ZNF704: variants seen among roughly 807,000 people sequenced by gnomAD.
The protein encoded by ZNF704 is glucocorticoid induced gene 1.
In ZNF704, 10 loss-of-function variants were observed where a neutral mutation model predicts 44.7. That is an observed-to-expected ratio of 0.22 (90% CI 0.14 to 0.38). The LOEUF (loss-of-function observed/expected upper bound fraction) is 0.38. Among genes scored for constraint, ZNF704 ranks in the 10% least tolerant of loss-of-function variants. The pLI is 1.00. For missense variants in ZNF704, 390 were observed against 545.5 expected, an observed-to-expected ratio of 0.71 and a Z score of 2.84; for synonymous variants, 211 against 207.6, an observed-to-expected ratio of 1.02 and a Z score of -0.14.
At chr8:80,658,021 A>G (rs1375548207) in intron 7 of ZNF704, among the ~76,000 whole-genome samples, 2 of 152,204 alleles carry the variant, frequency 1.3e-5, no homozygotes, top group Non-Finnish European at 1.5e-5. Context: ...TGTAAGACAC[A>G]TAAGAACCAT....
At position 80,635,729 on chromosome 8, in the gene ZNF704, T is replaced by C. The variant is rs1817654675; in HGVS notation, c.*5637A>G. The C allele has an allele frequency of 6.6e-6, 1 of 152,204 alleles. No homozygotes were observed. The highest frequency in any genetic ancestry group is 2.1e-4 in the South Asian group (1 of 4,824). The allele number at this position is 152,204 out of a possible 1,614,324, so 9.4% of individuals were successfully genotyped here. ...GTTAACACTTTTTAGATTTAAAATATATAAAATGACTCTTCAGGCATCTTT... is the reference window on the plus strand; with the variant it reads ...GTTAACACTTTTTAGATTTAAAATACATAAAATGACTCTTCAGGCATCTTT... On this transcript the variant is annotated 3_prime_UTR_variant, in exon 9 of 9. Coordinates refer to ENST00000327835, the MANE Select transcript of ZNF704 (RefSeq NM_001033723.3).
intron 1 of ZNF704, among the ~76,000 whole-genome samples, chr8:80,823,622 C>A (rs1001698774): frequency 1.3e-5 from 2 of 152,058 alleles, no homozygotes; most frequent in Non-Finnish European, 2.9e-5. Flanking sequence ...AGTCTGCCTC[C>A]TTAAGTGGGT....
intron 2 of ZNF704, among the ~76,000 whole-genome samples, chr8:80,798,549 C>A (rs185701455): frequency 3.7e-4 from 57 of 152,296 alleles, no homozygotes; most frequent in Non-Finnish European, 5.3e-4. Context: ...GCCACGATGC[C>A]CGGCCCTGGT....
chr8:80,778,841 A>C (rs1807462043), intron 2 of ZNF704, among the ~76,000 whole-genome samples: 1 of 152,124 alleles, frequency 6.6e-6, no homozygotes, highest in Non-Finnish European at 1.5e-5. Flanking sequence ...AATGACAGAC[A>C]CTGGGGCCTA....
At position 80,671,063 on chromosome 8, in the gene ZNF704, T is replaced by G. The variant is rs180815039; in HGVS notation, c.559-460A>C. Among the ~76,000 whole-genome samples the G allele has an allele frequency of 1.1e-3, 167 of 152,350 alleles. 3 individuals carry two copies. The highest frequency in any genetic ancestry group is 3.8e-3 in the African/African-American group (157 of 41,582). ...AGTTGAAATACGAATCCAGGGACTC[T>G]GGCTCCAGAAACCATCCCCTCCACC... On this transcript the variant is annotated intron_variant, in intron 4 of 8. Coordinates refer to ENST00000327835, the MANE Select transcript of ZNF704 (RefSeq NM_001033723.3).
intron 2 of ZNF704, among the ~76,000 whole-genome samples, chr8:80,757,363 A>G (rs1313114565): frequency 6.6e-6 from 1 of 152,186 alleles, no homozygotes; most frequent in Admixed American, 6.5e-5. Flanking sequence ...TAAAAATGGA[A>G]GCTTATAGAA....
rs749058762 is a variant in ZNF704 at position 80,664,836 on chromosome 8, C to T, written c.906G>A (p.Val302=). The T allele has an allele frequency of 7.4e-6, 12 of 1,614,076 alleles. No homozygotes were observed. Among genetic ancestry groups the T allele is most frequent in the Non-Finnish European group, 1.0e-5 (12 of 1,180,038 alleles). ...TCACCTGGTAAGCATGGTCAGTGTGCACGAGGTAGAGGGTGGTGGGAGCTG... is the reference window on the plus strand; with the variant it reads ...TCACCTGGTAAGCATGGTCAGTGTGTACGAGGTAGAGGGTGGTGGGAGCTG... ...SRSAPTTLYL[V]HTDHAYQATP... The change falls in exon 6 of 9, where the codon GTG becomes GTA. Residue 302 remains valine, a synonymous_variant. Transcript: ENST00000327835.
At chr8:80,803,092 T>C (rs995524938) in intron 2 of ZNF704, among the ~76,000 whole-genome samples, 1 of 152,032 alleles carries the variant, frequency 6.6e-6, no homozygotes, top group African/African-American at 2.4e-5. Flanking sequence ...TCATTCACAA[T>C]TGCTACAAAA....
chr8:80,710,509 T>G (rs1340172500), intron 2 of ZNF704, among the ~76,000 whole-genome samples: 1 of 152,148 alleles, frequency 6.6e-6, no homozygotes, highest in Non-Finnish European at 1.5e-5. Context: ...CTCCACAATA[T>G]TCATATGTTG....
intron 3 of ZNF704, among the ~76,000 whole-genome samples, chr8:80,689,409 GC>G (rs1280594832): frequency 6.6e-6 from 1 of 152,140 alleles, no homozygotes; most frequent in Non-Finnish European, 1.5e-5. Flanking sequence ...CTCATGCTTT[GC>G]CAGCATCAAC....
intron 2 of ZNF704, among the ~76,000 whole-genome samples, chr8:80,758,250 C>G (rs910766128): frequency 6.6e-6 from 1 of 152,178 alleles, no homozygotes; most frequent in African/African-American, 2.4e-5. Context: ...GCAAGCGGAG[C>G]AGAGGTGCAT....
At chr8:80,846,577 G>C (rs1480282893) in intron 1 of ZNF704, among the ~76,000 whole-genome samples, 2 of 152,170 alleles carry the variant, frequency 1.3e-5, no homozygotes, top group Non-Finnish European at 1.5e-5. Context: ...TTTTAACATT[G>C]TCAAAGCTCT....
chr8:80,829,354 A>G (rs923479699), intron 1 of ZNF704, among the ~76,000 whole-genome samples: 6 of 152,176 alleles, frequency 3.9e-5, no homozygotes, highest in African/African-American at 1.4e-4. Flanking sequence ...TTCCTAACCT[A>G]TGTTACAACA....
chr8:80,881,269 T>A, the ZNF704 span, among the ~76,000 whole-genome samples: 4 of 152,210 alleles, frequency 2.6e-5, no homozygotes, highest in Non-Finnish European at 5.9e-5. Flanking sequence ...GCATAAATAT[T>A]CATCAAAATG....
At chr8:80,873,993 C>A (rs927375417) in intron 1 of ZNF704, among the ~76,000 whole-genome samples, 2 of 146,568 alleles carry the variant, frequency 1.4e-5, no homozygotes, top group African/African-American at 2.4e-5. Flanking sequence ...AGCGCGGCGC[C>A]CCCCCGGCGG....
chr8:80,733,242 A>G (rs1806611554), intron 2 of ZNF704, among the ~76,000 whole-genome samples: 1 of 152,180 alleles, frequency 6.6e-6, no homozygotes, highest in African/African-American at 2.4e-5. Context: ...AAGTGTGTAT[A>G]GTAAATGTGT....
rs934899188 is a variant in ZNF704, at chr8:80,751,409, C to A, written c.222-58302G>T. 2.0e-5 allele frequency among the ~76,000 whole-genome samples: 3 copies of A among 152,158 alleles called. No individual in the cohort carries two copies. The East Asian group carries it at 5.8e-4, about 29-fold the overall frequency. ...TTGGACACTAACAACTGTCTCTTGA[C>A]GGAACAATGTTTAATTTTCAGTCAA... On this transcript the variant is annotated intron_variant, in intron 2 of 8. Transcript: ENST00000327835.
the ZNF704 span, among the ~76,000 whole-genome samples, chr8:80,881,115 G>A: frequency 6.6e-6 from 1 of 152,190 alleles, no homozygotes; most frequent in African/African-American, 2.4e-5. Flanking sequence ...TACTATTTCA[G>A]TGTGTGCAAT....
At position 80,641,264 on chromosome 8, in the gene ZNF704, C is replaced by A; in HGVS notation, c.*102G>T. The A allele has an allele frequency of 1.5e-6, 1 of 686,918 alleles. No individual in the cohort carries two copies. Among genetic ancestry groups the A allele is most frequent in the Non-Finnish European group, 2.3e-6 (1 of 434,650 alleles). 42.6% of individuals were successfully genotyped at this position (686,918 alleles called of 1,614,324 possible). ...TTCCTGAAAGGGCTTTTCCTGGCTTCAACTGTGTTTTATTCAGTAGGAAAA... is the reference window on the plus strand; with the variant it reads ...TTCCTGAAAGGGCTTTTCCTGGCTTAAACTGTGTTTTATTCAGTAGGAAAA... On this transcript the variant is annotated 3_prime_UTR_variant, in exon 9 of 9. Transcript: ENST00000327835.
Sources: allele counts gnomAD v4.1 joint callset (sites outside exome capture counted in the v4.1 genomes callset), GRCh38; gene constraint gnomAD v4.1.1; transcripts MANE v1.5; gene names NCBI Gene and HGNC (gene_info 2026-07-23, HGNC 2026-07-21).